Variants in SORT1 observed in about 807,000 individuals in gnomAD.
The protein encoded by SORT1 is sortilin 1, also known as sortilin.
A neutral mutation model predicts 101.7 loss-of-function variants in SORT1; 39 were observed. The observed-to-expected ratio is 0.38, with a 90% confidence interval of 0.30 to 0.50. The LOEUF (loss-of-function observed/expected upper bound fraction) is 0.50. Among genes scored for constraint, SORT1 ranks in the 20% least tolerant of loss-of-function variants. The probability of loss-of-function intolerance (pLI) is 0.90; values close to 1 mark genes in which losing one functional copy is unlikely to be tolerated. For synonymous variants in SORT1, 396 were observed against 393.7 expected, an observed-to-expected ratio of 1.01 and a Z score of -0.07; for missense variants, 878 against 1,040.4, an observed-to-expected ratio of 0.84 and a Z score of 2.15.
intron 8 of SORT1, among the ~76,000 whole-genome samples, chr1:109,342,829 C>T (rs1570925843): frequency 6.6e-6 from 1 of 152,050 alleles, no homozygotes; most frequent in African/African-American, 2.4e-5. Context: ...ACTTAACTCT[C>T]TGATAAATAG....
intron 1 of SORT1, among the ~76,000 whole-genome samples, chr1:109,376,330 CAAAAAAAA>C (rs35117356): frequency 5.3e-5 from 5 of 93,776 alleles, no homozygotes; most frequent in African/African-American, 1.3e-4. Flanking sequence ...GACTCCATCT[CAAAAAAAA>C]AAAAAAAAAA....
intron 7 of SORT1, among the ~76,000 whole-genome samples, chr1:109,346,181 T>C (rs901509970): frequency 1.3e-5 from 2 of 151,176 alleles, no homozygotes; most frequent in African/African-American, 2.4e-5. Flanking sequence ...GGCGTGGTGG[T>C]GGGCGCCTGT....
At chr1:109,351,707 G>A (rs190522120) in intron 5 of SORT1, among the ~76,000 whole-genome samples, 62 of 152,334 alleles carry the variant, frequency 4.1e-4, no homozygotes, top group African/African-American at 1.4e-3. Context: ...GGTGCTCTCA[G>A]GAGGAATGTG....
At chr1:109,314,576 G>A in intron 18 of SORT1, 96 bp downstream of exon 18, 1 of 1,088,532 alleles carries the variant, frequency 9.2e-7, no homozygotes, top group Non-Finnish European at 1.4e-6. Flanking sequence ...AGTACTGCAA[G>A]TACCTAGTTT....
At chr1:109,390,779 G>A (rs1402188836) in intron 1 of SORT1, among the ~76,000 whole-genome samples, 4 of 136,416 alleles carry the variant, frequency 2.9e-5, no homozygotes, top group African/African-American at 1.2e-4. Context: ...GTATGTGTGT[G>A]TGTGTGTGTG....
intron 1 of SORT1, among the ~76,000 whole-genome samples, chr1:109,374,726 A>T (rs1651710160): frequency 6.6e-6 from 1 of 152,246 alleles, no homozygotes. Context: ...TGGGAGACTG[A>T]GGCGGGCAGA....
chr1:109,321,893 C>T (rs1214125030), intron 15 of SORT1, among the ~76,000 whole-genome samples: 1 of 152,134 alleles, frequency 6.6e-6, no homozygotes, highest in Non-Finnish European at 1.5e-5. Context: ...CAATGCCAGC[C>T]AAGTAACTAA....
chr1:109,372,078 C>T (rs1651512446), intron 1 of SORT1, among the ~76,000 whole-genome samples: 1 of 152,194 alleles, frequency 6.6e-6, no homozygotes, highest in Admixed American at 6.5e-5. Flanking sequence ...AGATTCAATC[C>T]TGCCACTTCA....
At chr1:109,352,299 G>A (rs1450515255) in intron 5 of SORT1, among the ~76,000 whole-genome samples, 1 of 152,130 alleles carries the variant, frequency 6.6e-6, no homozygotes, top group African/African-American at 2.4e-5. Flanking sequence ...AATGGTAAGA[G>A]TGGAAGAGAA....
chr1:109,344,467 C>A (rs1649448676), intron 8 of SORT1, among the ~76,000 whole-genome samples: 2 of 152,118 alleles, frequency 1.3e-5, no homozygotes, highest in South Asian at 4.1e-4. Flanking sequence ...GCCCTTCTCC[C>A]CTTTGCTTGG....
In SORT1 at chr1:109,328,574, ATTTG is replaced by A. The variant is rs1175384438; in HGVS notation, c.1372-977_1372-974del. Among the ~76,000 whole-genome samples, 4 of 152,108 alleles carry A rather than the reference ATTTG, an allele frequency of 2.6e-5. No homozygotes were observed. In the East Asian group the frequency reaches 7.7e-4, roughly 29 times the overall value. The stretch of plus-strand genomic sequence containing the variant: ...TCTTTGCCTATTTTTTATTCAGGCT[ATTTG>A]TTTGTTGTTGAGTTGTAGCTCAGTG... On this transcript the variant is annotated intron_variant, in intron 11 of 19. Transcript: ENST00000256637.
chr1:109,320,232 T>C (rs1317141031), intron 15 of SORT1, among the ~76,000 whole-genome samples: 1 of 152,138 alleles, frequency 6.6e-6, no homozygotes, highest in Non-Finnish European at 1.5e-5. Flanking sequence ...CTCTCTTGAG[T>C]TCTAATCCTA....
chr1:109,324,142 T>A (rs1230474598), intron 14 of SORT1, among the ~76,000 whole-genome samples: 1 of 152,168 alleles, frequency 6.6e-6, no homozygotes, highest in East Asian at 1.9e-4. Flanking sequence ...CTTCTTTTTT[T>A]TTTGAGACAG....
intron 5 of SORT1, among the ~76,000 whole-genome samples, chr1:109,353,379 C>T (rs1028392235): frequency 6.6e-5 from 10 of 151,844 alleles, no homozygotes; most frequent in Admixed American, 6.6e-4. Context: ...TAACTCTGGC[C>T]CTCCTGGTGC....
At chr1:109,354,943 A>G (rs1291335021) in intron 4 of SORT1, among the ~76,000 whole-genome samples, 1 of 152,080 alleles carries the variant, frequency 6.6e-6, no homozygotes, top group African/African-American at 2.4e-5. Flanking sequence ...ATTGTGTTTA[A>G]GGCAGGCACA....
chr1:109,366,391 A>T (rs1385559548), intron 3 of SORT1, among the ~76,000 whole-genome samples: 3 of 152,148 alleles, frequency 2.0e-5, no homozygotes, highest in Non-Finnish European at 2.9e-5. Flanking sequence ...TACAATGAAG[A>T]TTTTCATTTC....
chr1:109,366,619 T>C (rs1162396204), intron 3 of SORT1, among the ~76,000 whole-genome samples: 1 of 152,144 alleles, frequency 6.6e-6, no homozygotes, highest in Non-Finnish European at 1.5e-5. Context: ...GCTAATTAGA[T>C]GCTAAGGCCA....
rs1171811540 is a variant in SORT1, at chr1:109,350,988, C to G, written c.723G>C (p.Val241=). The G allele has an allele frequency of 6.2e-7, 1 of 1,609,724 alleles. No individual in the cohort carries two copies. The highest frequency in any genetic ancestry group is 1.7e-5 in the Admixed American group (1 of 60,024). ...LALSTENGLW[V]SKNFGGKWEE... ...CCCATTTTCCCCCAAAATTCTTGGA[C>G]ACCCACAGGCCATTCTGAAAGATTA... Residue 241 remains valine (V), a synonymous_variant, in exon 6 of 20, where the codon GTG becomes GTC. Coordinates refer to ENST00000256637, the MANE Select transcript of SORT1 (RefSeq NM_002959.7).
rs972091529 is a variant in SORT1 at position 109,335,699 on chromosome 1, G to A, written c.1371+541C>T. Among the ~76,000 whole-genome samples, 16 of 152,172 alleles carry A rather than the reference G, an allele frequency of 1.1e-4. No individual in the cohort carries two copies. The Middle Eastern group carries it at 0.017, about 162-fold the overall frequency. On this transcript the variant is annotated intron_variant, in intron 11 of 19. Transcript: ENST00000256637. ...TGCCTGCCAAGGCCTGTCACTCCAG[G>A]CTTTAGATCTCCTGGAGTGACACCT...
Sources: gnomAD v4.1 joint callset for allele counts (sites outside exome capture counted in the v4.1 genomes callset) on GRCh38, gnomAD v4.1.1 for gene constraint, MANE v1.5 for transcripts, NCBI Gene and HGNC (gene_info 2026-07-23, HGNC 2026-07-21) for gene names.